SCEL: variants seen among roughly 807,000 people sequenced by gnomAD.
SCEL encodes the protein sciellin.
Under a neutral mutation model 117.6 loss-of-function variants are expected in SCEL, and 113 were observed. That is an observed-to-expected ratio of 0.96 (90% CI 0.83 to 1.12). The LOEUF is 1.12. SCEL is among the 50% of genes most tolerant of loss of function. SCEL has a pLI of 0.00. For missense variants in SCEL, 785 were observed against 810.8 expected (o/e 0.97, Z 0.39); for synonymous variants, 270 against 256.2 (o/e 1.05, Z -0.51).
chr13:77,567,537 T>G (rs1310241094), intron 5 of SCEL, 143 bp from the exon 6 acceptor site: 2 of 613,154 alleles, frequency 3.3e-6, no homozygotes, highest in Non-Finnish European at 5.6e-6. Flanking sequence ...TATTTAAAAA[T>G]TTTCTAAAAT....
chr13:77,638,648 T>C (rs2090417662), intron 30 of SCEL, among the ~76,000 whole-genome samples: 1 of 152,226 alleles, frequency 6.6e-6, no homozygotes, highest in Non-Finnish European at 1.5e-5. Flanking sequence ...GTTGATAGTG[T>C]GTGAAATTGG....
intron 20 of SCEL, among the ~76,000 whole-genome samples, chr13:77,608,488 T>C (rs1406827825): frequency 6.6e-6 from 1 of 152,072 alleles, no homozygotes; most frequent in Non-Finnish European, 1.5e-5. Context: ...TAGTCCCAGC[T>C]ACTTGGGAGG....
intron 13 of SCEL, among the ~76,000 whole-genome samples, chr13:77,598,884 G>T (rs2087439322): frequency 6.6e-6 from 1 of 152,130 alleles, no homozygotes; most frequent in Non-Finnish European, 1.5e-5. Context: ...GTCAGACCAT[G>T]TTGCCCAGGT....
At chr13:77,641,145 T>G (rs1257751908) in intron 31 of SCEL, among the ~76,000 whole-genome samples, 1 of 152,226 alleles carries the variant, frequency 6.6e-6, no homozygotes, top group East Asian at 1.9e-4. Context: ...AATAAATTGT[T>G]GAGAAGAAAG....
intron 10 of SCEL, among the ~76,000 whole-genome samples, chr13:77,590,327 CAA>C (rs1420195707): frequency 6.6e-6 from 1 of 151,952 alleles, no homozygotes; most frequent in Non-Finnish European, 1.5e-5. Context: ...TAAATTGAGT[CAA>C]GAGAATATTT....
At chr13:77,622,204 G>T (rs981947642) in intron 27 of SCEL, among the ~76,000 whole-genome samples, 1 of 152,130 alleles carries the variant, frequency 6.6e-6, no homozygotes, top group African/African-American at 2.4e-5. Context: ...TCTTAATTTT[G>T]TAAATGTGTT....
At chr13:77,591,357 T>A in intron 10 of SCEL, 38 bp from the exon 11 acceptor site, 2 of 1,253,658 alleles carry the variant, frequency 1.6e-6, no homozygotes, top group Non-Finnish European at 2.3e-6. Flanking sequence ...AGTGTTTTCT[T>A]TTCTGACTGA....
At chr13:77,590,883 C>T (rs889853847) in intron 10 of SCEL, among the ~76,000 whole-genome samples, 1 of 151,936 alleles carries the variant, frequency 6.6e-6, no homozygotes, top group East Asian at 1.9e-4. Context: ...TTAAATTGTG[C>T]CAGAACCTAA....
intron 30 of SCEL, among the ~76,000 whole-genome samples, chr13:77,639,811 T>C (rs1345554130): frequency 1.3e-5 from 2 of 152,082 alleles, no homozygotes; most frequent in Non-Finnish European, 2.9e-5. Context: ...CCATTACATA[T>C]CCTACTCTGG....
At chr13:77,587,821 C>A (rs2086648384) in intron 9 of SCEL, among the ~76,000 whole-genome samples, 1 of 152,182 alleles carries the variant, frequency 6.6e-6, no homozygotes, top group African/African-American at 2.4e-5. Context: ...GGTCCAACCC[C>A]TGGCCCTCTT....
At chr13:77,634,922 GTGATGGATAT>G (rs1273852071) in intron 29 of SCEL, among the ~76,000 whole-genome samples, 2 of 152,170 alleles carry the variant, frequency 1.3e-5, no homozygotes, top group Non-Finnish European at 2.9e-5. Context: ...GCTGCTTGGA[GTGATGGATAT>G]TGAGGAAAAT....
At chr13:77,584,587 A>C (rs943061613) in intron 9 of SCEL, among the ~76,000 whole-genome samples, 2 of 152,228 alleles carry the variant, frequency 1.3e-5, no homozygotes, top group African/African-American at 4.8e-5. Context: ...AAATGGAAGA[A>C]ATTGAGTATG....
chr13:77,561,394 A>G (rs746581111), intron 4 of SCEL, among the ~76,000 whole-genome samples: 17 of 152,242 alleles, frequency 1.1e-4, no homozygotes, highest in Non-Finnish European at 1.9e-4. Flanking sequence ...AAAGTATAAT[A>G]TCAGTCTTTT....
chr13:77,541,483 C>T (rs1304019873), intron 1 of SCEL, among the ~76,000 whole-genome samples: 4 of 151,770 alleles, frequency 2.6e-5, no homozygotes, highest in African/African-American at 9.7e-5. Context: ...TTCTCGGATT[C>T]ATTCAAAGAA....
intron 28 of SCEL, among the ~76,000 whole-genome samples, chr13:77,632,816 C>T (rs774291549): frequency 6.6e-6 from 1 of 152,212 alleles, no homozygotes; most frequent in African/African-American, 2.4e-5. Context: ...TAGCAGAAAT[C>T]TAGGTCAGAG....
chr13:77,539,102 T>C (rs2083563345), intron 1 of SCEL, among the ~76,000 whole-genome samples: 1 of 152,190 alleles, frequency 6.6e-6, no homozygotes, highest in Non-Finnish European at 1.5e-5. Context: ...TACAAATGCA[T>C]GCAGTGAGCT....
At chr13:77,537,732 A>G (rs1330601113) in intron 1 of SCEL, among the ~76,000 whole-genome samples, 12 of 152,194 alleles carry the variant, frequency 7.9e-5, no homozygotes, top group Admixed American at 7.9e-4. Flanking sequence ...ATTATGATGA[A>G]ATACCTGAGA....
chr13:77,642,195 A>G (rs1182181529), intron 31 of SCEL, among the ~76,000 whole-genome samples: 4 of 152,158 alleles, frequency 2.6e-5, no homozygotes, highest in African/African-American at 9.6e-5. Flanking sequence ...ATAGCAATAC[A>G]GAGCCACATG....
chr13:77,617,379 T>C (rs1469786486), intron 24 of SCEL, among the ~76,000 whole-genome samples: 1 of 152,158 alleles, frequency 6.6e-6, no homozygotes, highest in Non-Finnish European at 1.5e-5. Flanking sequence ...AGCCTGCCCT[T>C]GTAGATAGGC....
Sources: gnomAD v4.1 joint callset for allele counts (sites outside exome capture counted in the v4.1 genomes callset) on GRCh38, gnomAD v4.1.1 for gene constraint, MANE v1.5 for transcripts, NCBI Gene and HGNC (gene_info 2026-07-23, HGNC 2026-07-21) for gene names.